The following IPO11 variants were observed in gnomAD, a reference collection of about 807,000 sequenced individuals.
IPO11 encodes importin-11.
A neutral mutation model predicts 143.2 loss-of-function variants in IPO11; 66 were observed. The ratio of observed to expected loss-of-function variants is 0.46; its 90% CI spans 0.38 to 0.57. The LOEUF (loss-of-function observed/expected upper bound fraction) is 0.57. Among genes scored for constraint, IPO11 ranks in the 20% least tolerant of loss-of-function variants. IPO11 has a pLI of 0.00. For synonymous variants in IPO11, 385 were observed against 377.8 expected, an observed-to-expected ratio of 1.02 and a Z score of -0.22; for missense variants, 1,026 against 1,141.0, an observed-to-expected ratio of 0.90 and a Z score of 1.45.
intron 3 of IPO11, among the ~76,000 whole-genome samples, chr5:62,447,545 G>A (rs1252345446): frequency 6.6e-6 from 1 of 151,594 alleles, no homozygotes; most frequent in Non-Finnish European, 1.5e-5. Context: ...AAGTAGGGAC[G>A]TGTTCTTTCT....
At chr5:62,526,619 ATAT>A (rs1453625453) in intron 21 of IPO11, 1 of 185,406 alleles carries the variant, frequency 5.4e-6, no homozygotes, top group African/African-American at 2.4e-5. Flanking sequence ...AAGTGTTGAG[ATAT>A]TATACCTTAG....
At chr5:62,424,360 C>T (rs780689256) in intron 1 of IPO11, among the ~76,000 whole-genome samples, 4 of 151,948 alleles carry the variant, frequency 2.6e-5, no homozygotes, top group East Asian at 3.9e-4. Flanking sequence ...AAGATGGTCT[C>T]GATCTTGTGA....
In IPO11 at chr5:62,451,921, A is replaced by G. The variant is rs1392685392; in HGVS notation, c.504A>G (p.Lys168=). The change falls in exon 5 of 30, where the codon AAA becomes AAG. Residue 168 remains lysine (K), a synonymous_variant. Transcript: ENST00000325324. ...CTAAACGACTTGCTGCTGATAGAAA[A>G]CTATTTTATGATGTAAGTGATTTCA... ...LASKRLAADR[K]LFYDLASGIY... is the part of the protein sequence containing the mutation. 4 of 1,612,438 alleles carry G rather than the reference A, an allele frequency of 2.5e-6. No individual in the cohort carries two copies. In the Admixed American group the frequency reaches 5.0e-5, roughly 20 times the overall value.
At chr5:62,572,535 ATATT>A (rs1561368219) in intron 27 of IPO11, among the ~76,000 whole-genome samples, 1 of 137,428 alleles carries the variant, frequency 7.3e-6, no homozygotes, top group Non-Finnish European at 1.6e-5. Context: ...GTGTATATGT[ATATT>A]TGTTTGTTTA....
chr5:62,609,978 G>A (rs1483795797), intron 29 of IPO11, among the ~76,000 whole-genome samples: 1 of 152,224 alleles, frequency 6.6e-6, no homozygotes, highest in African/African-American at 2.4e-5. Flanking sequence ...TGGCGATACT[G>A]TAATTGTAGC....
rs1580370960 is a variant in IPO11 at position 62,598,497 on chromosome 5, T to C, written c.2679-3267T>C. Among the ~76,000 whole-genome samples, 3 of 5,122 alleles carry C rather than the reference T, an allele frequency of 5.9e-4. No homozygotes were observed. The African/African-American group carries it at 9.9e-3, about 17-fold the overall frequency. The allele number at this position is 5,122 out of a possible 152,430, so 3.4% of individuals were successfully genotyped here. ...CTCTCTCTCTCTCTCTCTCTCTCTT[T>C]CTTTCTTTCTTTCTTTCTTTCTTTC... On this transcript the variant is annotated intron_variant, in intron 28 of 29. Transcript: ENST00000325324.
rs955016347 is a variant in IPO11, at chr5:62,526,288, T to C, written c.2012+31T>C. On this transcript the variant is annotated intron_variant, in intron 21 of 29. Transcript: ENST00000325324. The stretch of plus-strand genomic sequence containing the variant: ...AGGAAAAACTTAATACCATGGATCT[T>C]ATTTTATTCGTGACCTTTCCTACTC... The C allele has an allele frequency of 9.0e-6, 13 of 1,448,646 alleles. No individual in the cohort carries two copies. The South Asian group carries it at 1.3e-4, about 14-fold the overall frequency. 89.7% of individuals were successfully genotyped at this position (1,448,646 alleles called of 1,614,324 possible).
At chr5:62,451,600 C>G in intron 4 of IPO11, 130 bp from the exon 5 acceptor site, 1 of 759,098 alleles carries the variant, frequency 1.3e-6, no homozygotes, top group Non-Finnish European at 2.2e-6. Context: ...TTGAGAACCA[C>G]TGTTTAAGCA....
At chr5:62,514,050 C>A (rs1025355095) in intron 19 of IPO11, among the ~76,000 whole-genome samples, 1 of 151,332 alleles carries the variant, frequency 6.6e-6, no homozygotes, top group African/African-American at 2.4e-5. Context: ...CGGGACGAGG[C>A]GCTCCTCACT....
intron 29 of IPO11, among the ~76,000 whole-genome samples, chr5:62,625,502 T>A (rs1263800129): frequency 6.6e-6 from 1 of 152,228 alleles, no homozygotes; most frequent in Non-Finnish European, 1.5e-5. Flanking sequence ...GAATTCTGGG[T>A]AATTATCTCT....
chr5:62,605,010 A>G (rs762864685), intron 29 of IPO11, among the ~76,000 whole-genome samples: 17 of 152,358 alleles, frequency 1.1e-4, no homozygotes, highest in Non-Finnish European at 8.8e-5. Context: ...CTATCCAGCA[A>G]TATCTTGGTT....
chr5:62,580,214 T>A (rs1744496465), intron 27 of IPO11: 1 of 1,550,852 alleles, frequency 6.4e-7, no homozygotes, highest in African/African-American at 1.4e-5. Context: ...TACCTCCTCC[T>A]GAAAAATTCA....
intron 27 of IPO11, among the ~76,000 whole-genome samples, chr5:62,569,296 C>T (rs1744059049): frequency 2.0e-5 from 3 of 152,166 alleles, no homozygotes; most frequent in Non-Finnish European, 2.9e-5. Context: ...TCTTTCTTCC[C>T]CTTTCAATGT....
At chr5:62,419,605 G>A (rs1413883631) in intron 1 of IPO11, among the ~76,000 whole-genome samples, 1 of 152,052 alleles carries the variant, frequency 6.6e-6, no homozygotes, top group Admixed American at 6.6e-5. Context: ...TGATAGCAAT[G>A]ACTTCTTCTG....
chr5:62,574,459 A>G (rs999926706), intron 27 of IPO11, among the ~76,000 whole-genome samples: 2 of 152,224 alleles, frequency 1.3e-5, no homozygotes, highest in Non-Finnish European at 2.9e-5. Flanking sequence ...GATCTGAACT[A>G]TAATCTGCTG....
In IPO11 at chr5:62,474,435, T is replaced by C. The variant is rs1199044459; in HGVS notation, c.728T>C (p.Phe243Ser). Residue 243 changes from phenylalanine (F) to serine (S), a missense_variant, in exon 8 of 30, where the codon TTT becomes TCT. Physicochemically the swap from Phe to Ser is radical, Grantham distance 155. Transcript: ENST00000325324. ...MEVMGFLHGIFERLKQFLECS... is the reference protein window; with the variant it reads ...MEVMGFLHGISERLKQFLECS... ...TTCTAGGGTTTTTTACATGGAATAT[T>C]TGAACGTCTAAAACAGTTTCTGGAA... The C allele has an allele frequency of 6.4e-7, 1 of 1,571,726 alleles. No individual in the cohort carries two copies. Among genetic ancestry groups the C allele is most frequent in the Admixed American group, 2.0e-5 (1 of 50,042 alleles).
intron 5 of IPO11, among the ~76,000 whole-genome samples, chr5:62,459,050 C>T (rs1458434299): frequency 6.6e-6 from 1 of 151,998 alleles, no homozygotes; most frequent in Non-Finnish European, 1.5e-5. Context: ...TGAGATAGAG[C>T]TGTGGAAAGG....
chr5:62,524,996 A>C (rs912916446), intron 20 of IPO11, among the ~76,000 whole-genome samples: 1 of 152,210 alleles, frequency 6.6e-6, no homozygotes, highest in African/African-American at 2.4e-5. Context: ...TGTGTAATAC[A>C]TTGAATCAAC....
intron 1 of IPO11, among the ~76,000 whole-genome samples, chr5:62,435,617 T>G (rs977445753): frequency 6.6e-6 from 1 of 151,754 alleles, no homozygotes; most frequent in African/African-American, 2.4e-5. Flanking sequence ...GGCTCGCGCC[T>G]GTAATCCCAG....
Sources: allele counts gnomAD v4.1 joint callset (sites outside exome capture counted in the v4.1 genomes callset), GRCh38; gene constraint gnomAD v4.1.1; transcripts MANE v1.5; gene names NCBI Gene and HGNC (gene_info 2026-07-23, HGNC 2026-07-21).